Variants in NFAT5 observed in about 807,000 individuals in gnomAD.
NFAT5 encodes the protein nuclear factor of activated T cells 5, also known as nuclear factor of activated T-cells 5.
Under a neutral mutation model 166.5 loss-of-function variants are expected in NFAT5, and 31 were observed. The observed-to-expected ratio is 0.19, with a 90% CI of 0.14 to 0.25. The LOEUF (loss-of-function observed/expected upper bound fraction) is 0.25, where lower values mean the gene tolerates loss of function less well. Among genes scored for constraint, NFAT5 ranks in the 10% least tolerant of loss-of-function variants. The probability of loss-of-function intolerance (pLI) is 1.00; values close to 1 mark genes in which losing one functional copy is unlikely to be tolerated. For synonymous variants in NFAT5, 612 were observed against 639.7 expected, an observed-to-expected ratio of 0.96 and a Z score of 0.65; for missense variants, 1,449 against 1,821.8, an observed-to-expected ratio of 0.80 and a Z score of 3.72.
Position 69,703,789 on chromosome 16 carries a change from C to T in NFAT5, c.*7438C>T, listed in dbSNP as rs2037937295. On this transcript the variant is annotated 3_prime_UTR_variant, in exon 15 of 15. Coordinates refer to ENST00000349945, the MANE Select transcript of NFAT5 (RefSeq NM_138713.4). ...CCTCACTTTATTGCATAACATATTC[C>T]TGTACCCAAAGCATTCTACCACAGT... 6.6e-6 allele frequency: 1 copy of T among 152,490 alleles called. No homozygotes were observed. The highest frequency in any genetic ancestry group is 2.4e-5 in the African/African-American group (1 of 41,392). 9.4% of individuals were successfully genotyped at this position (152,490 alleles called of 1,614,324 possible). A position where few individuals can be genotyped will look rare whatever the true frequency, so the allele number is the denominator to read the frequency against.
At position 69,566,811 on chromosome 16, in the gene NFAT5, G is replaced by A. The variant is rs1301878268; in HGVS notation, c.73+437G>A. Among the ~76,000 whole-genome samples, 5 of 152,156 alleles carry A rather than the reference G, an allele frequency of 3.3e-5. No homozygotes were observed. Among genetic ancestry groups the A allele is most frequent in the East Asian group, 3.9e-4 (2 of 5,164 alleles). Reference sequence around the variant, plus strand: ...TCCTCCCCAGCAAAGTTGCCCCCAAGCGGGCGGCGTGGCCTGGAGCCGGTT... The same window carrying A: ...TCCTCCCCAGCAAAGTTGCCCCCAAACGGGCGGCGTGGCCTGGAGCCGGTT... On this transcript the variant is annotated intron_variant, in intron 1 of 14. Transcript: ENST00000349945. This position sits in a 1 kb window ranked among gnomAD's most constrained non-coding sequence, Gnocchi z 5.7.
intron 2 of NFAT5, among the ~76,000 whole-genome samples, chr16:69,575,994 G>C (rs2016723502): frequency 6.6e-6 from 1 of 151,810 alleles, no homozygotes; most frequent in Non-Finnish European, 1.5e-5. Flanking sequence ...TATATTGACT[G>C]TCTTAACAGT....
rs190023973 is a variant in NFAT5, at chr16:69,704,369, T to G, written c.*8018T>G. On this transcript the variant is annotated 3_prime_UTR_variant, in exon 15 of 15. Coordinates refer to ENST00000349945, the MANE Select transcript of NFAT5 (RefSeq NM_138713.4). ...TTAATTTTTATTTAATTTTATTTGC[T>G]TGAGCACACTGATCAACCACTGAAC... 2 of 152,790 alleles carry G rather than the reference T, an allele frequency of 1.3e-5. No individual in the cohort carries two copies. The highest frequency in any genetic ancestry group is 2.1e-4 in the South Asian group (1 of 4,830). 9.5% of individuals were successfully genotyped at this position (152,790 alleles called of 1,614,324 possible).
rs182920902 is a variant in NFAT5, at chr16:69,640,495, A to G, written c.254-6533A>G. 1.7e-3 allele frequency among the ~76,000 whole-genome samples: 262 copies of G among 152,256 alleles called. 1 individual carries two copies. The highest frequency in any genetic ancestry group is 7.6e-4 in the Non-Finnish European group (52 of 68,014). Reference sequence around the variant, plus strand: ...CACTTTGTGTGTTCTAGATATTTCAATCTCTTGGCAACATGAGTGTTGGCC... The same window carrying G: ...CACTTTGTGTGTTCTAGATATTTCAGTCTCTTGGCAACATGAGTGTTGGCC... On this transcript the variant is annotated intron_variant, in intron 3 of 14. Transcript: ENST00000349945.
chr16:69,665,381 C>T (rs2036325061), intron 7 of NFAT5, among the ~76,000 whole-genome samples: 1 of 129,880 alleles, frequency 7.7e-6, no homozygotes, highest in East Asian at 2.3e-4. Flanking sequence ...GTCAAATTGT[C>T]CCTGTTTGCA....
intron 7 of NFAT5, among the ~76,000 whole-genome samples, chr16:69,665,125 C>T (rs1439266137): frequency 6.6e-6 from 1 of 152,070 alleles, no homozygotes; most frequent in Non-Finnish European, 1.5e-5. Context: ...CTGTTGGGGA[C>T]TCATCTCGTA....
rs1419171877 is a variant in NFAT5 at position 69,693,086 on chromosome 16, C to T, written c.3261C>T (p.Ala1087=). ...TGCAGCAGTCTTCTCATTCACAGGCCCAACTTTTTCATCCTCAAAATCCTA... is the reference window on the plus strand; with the variant it reads ...TGCAGCAGTCTTCTCATTCACAGGCTCAACTTTTTCATCCTCAAAATCCTA... The part of the protein sequence containing the change: ...NFLQQSSHSQ[A]QLFHPQNPIA... The change falls in exon 13 of 15, where the codon GCC becomes GCT. Residue 1087 remains alanine, a synonymous_variant. Transcript: ENST00000349945. 2 of 1,614,064 alleles carry T rather than the reference C, an allele frequency of 1.2e-6. No homozygotes were observed. Among genetic ancestry groups the T allele is most frequent in the Middle Eastern group, 1.6e-4 (1 of 6,062 alleles).
chr16:69,587,442 G>T (rs964868021), intron 2 of NFAT5, among the ~76,000 whole-genome samples: 51 of 151,948 alleles, frequency 3.4e-4, no homozygotes, highest in African/African-American at 1.2e-3. Flanking sequence ...AGGCTGTAGT[G>T]CAGTGGTGTG....
At chr16:69,695,629 G>A in intron 14 of NFAT5, 1 of 320,450 alleles carries the variant, frequency 3.1e-6, no homozygotes, top group Non-Finnish European at 5.8e-6. Context: ...GGATCACGAG[G>A]TCAGGCGATC....
intron 7 of NFAT5, among the ~76,000 whole-genome samples, chr16:69,663,564 TAAAA>T (rs60161117): frequency 8.7e-5 from 8 of 91,998 alleles, no homozygotes; most frequent in African/African-American, 2.0e-4. Flanking sequence ...CCCATCTCTT[TAAAA>T]AAAAAAAAAA....
intron 7 of NFAT5, among the ~76,000 whole-genome samples, chr16:69,663,365 A>G (rs2036229076): frequency 6.6e-6 from 1 of 152,170 alleles, no homozygotes; most frequent in Admixed American, 6.5e-5. Context: ...CATGTTCTCC[A>G]GACAATATAG....
chr16:69,591,295 C>G lies in NFAT5; in HGVS notation c.127+22747C>G, dbSNP rs578001068. On this transcript the variant is annotated intron_variant, in intron 2 of 14. Transcript: ENST00000349945. The stretch of plus-strand genomic sequence containing the variant: ...AAAGTATTAAAGAGTCCCCTCCCCA[C>G]CCCGCCCCAGTTTTCTTACTCCGAG... Among the ~76,000 whole-genome samples the G allele has an allele frequency of 9.6e-4, 146 of 151,594 alleles. 2 individuals carry two copies. The South Asian group carries it at 0.029, about 30-fold the overall frequency.
At chr16:69,694,849 A>C (rs1249878060) in intron 13 of NFAT5, among the ~76,000 whole-genome samples, 5 of 152,360 alleles carry the variant, frequency 3.3e-5, no homozygotes, top group African/African-American at 1.2e-4. Context: ...TTTAATGTTT[A>C]TATACCAAGG....
chr16:69,629,034 A>G (rs1022365488), intron 3 of NFAT5, among the ~76,000 whole-genome samples: 5 of 152,222 alleles, frequency 3.3e-5, no homozygotes, highest in African/African-American at 1.2e-4. Context: ...AGATCGTGCC[A>G]TTGCACTCCA....
chr16:69,642,789 C>T (rs2035269924), intron 3 of NFAT5, among the ~76,000 whole-genome samples: 1 of 150,910 alleles, frequency 6.6e-6, no homozygotes, highest in Non-Finnish European at 1.5e-5. Flanking sequence ...TGTACTCTAG[C>T]CTTGGCAACA....
intron 10 of NFAT5, among the ~76,000 whole-genome samples, chr16:69,678,416 T>C (rs375756606): frequency 3.3e-5 from 5 of 152,004 alleles, no homozygotes; most frequent in South Asian, 4.2e-4. Flanking sequence ...GGTTTCACCA[T>C]GTTAGCCAGG....
chr16:69,661,341 A>G (rs893919768), intron 7 of NFAT5, among the ~76,000 whole-genome samples: 1 of 149,908 alleles, frequency 6.7e-6, no homozygotes, highest in African/African-American at 2.5e-5. Context: ...ATGGAAGTGT[A>G]TTGAACAACA....
Position 69,598,971 on chromosome 16 carries a change from G to A in NFAT5, c.128-27432G>A, listed in dbSNP as rs529660814. On this transcript the variant is annotated intron_variant, in intron 2 of 14. Transcript: ENST00000349945. ...GGAGGTTGCAGTGAGCTGAAATGGC[G>A]CCACTGTACTCCAGTCTGGGCTCTG... is the stretch of plus-strand genomic sequence containing the variant. Among the ~76,000 whole-genome samples the A allele has an allele frequency of 1.9e-4, 28 of 147,356 alleles. No individual in the cohort carries two copies. The South Asian group carries it at 4.1e-3, about 22-fold the overall frequency.
At chr16:69,670,136 G>A in intron 8 of NFAT5, 25 bp downstream of exon 8, 1 of 1,602,918 alleles carries the variant, frequency 6.2e-7, no homozygotes, top group Non-Finnish European at 8.5e-7. Flanking sequence ...TTGTGGTACA[G>A]ATATTTGTAT....
Sources: gnomAD v4.1 joint callset for allele counts (sites outside exome capture counted in the v4.1 genomes callset) on GRCh38, gnomAD v4.1.1 for gene constraint, Gnocchi (gnomAD v3.1) non-coding constraint, MANE v1.5 for transcripts, NCBI Gene and HGNC (gene_info 2026-07-23, HGNC 2026-07-21) for gene names.